AGAP1: variants seen among roughly 807,000 people sequenced by gnomAD.
AGAP1 encodes the protein ArfGAP with GTPase domain, ankyrin repeat and PH domain 1, also known as arf-GAP with GTPase, ANK repeat and PH domain-containing protein 1.
Under a neutral mutation model 105.3 loss-of-function variants are expected in AGAP1, and 29 were observed. The observed-to-expected ratio is 0.28, with a 90% confidence interval of 0.21 to 0.38. The LOEUF is 0.38. Among genes scored for constraint, AGAP1 ranks in the 10% least tolerant of loss-of-function variants. AGAP1 has a pLI of 1.00. For missense variants in AGAP1, 998 were observed against 1,165.1 expected (o/e 0.86, Z 2.09); for synonymous variants, 509 against 485.9 (o/e 1.05, Z -0.63).
intron 13 of AGAP1, among the ~76,000 whole-genome samples, chr2:235,991,155 C>T (rs533651641): frequency 2.4e-4 from 37 of 152,266 alleles, no homozygotes; most frequent in Admixed American, 2.1e-3. Context: ...TGAATTTTAC[C>T]TAGATTTTTG....
intron 1 of AGAP1, among the ~76,000 whole-genome samples, chr2:235,524,977 T>C (rs927798887): frequency 3.9e-5 from 6 of 152,272 alleles, no homozygotes; most frequent in African/African-American, 1.2e-4. Flanking sequence ...CTTTAAAATA[T>C]ATCATGTGTT....
chr2:235,678,694 G>A (rs1310035734), intron 1 of AGAP1, among the ~76,000 whole-genome samples: 2 of 152,066 alleles, frequency 1.3e-5, no homozygotes, highest in Non-Finnish European at 1.5e-5. Context: ...GAAGATATTT[G>A]TCTGGAGTTT....
In AGAP1 at chr2:235,708,154, A is replaced by G. The variant is rs146174532; in HGVS notation, c.164-1025A>G. On this transcript the variant is annotated intron_variant, in intron 1 of 17. Coordinates refer to ENST00000304032, the MANE Select transcript of AGAP1 (RefSeq NM_001037131.3). ...TTAACTTTTAGGCATCTTATGAATC[A>G]GGTCACTTCTTAGACATAATGTAGA... Among the ~76,000 whole-genome samples the G allele has an allele frequency of 8.6e-4, 131 of 152,344 alleles. 1 individual carries two copies. Among genetic ancestry groups the G allele is most frequent in the African/African-American group, 2.9e-3 (122 of 41,580 alleles).
At chr2:236,006,192 G>A (rs2125539974) in intron 13 of AGAP1, among the ~76,000 whole-genome samples, 1 of 152,194 alleles carries the variant, frequency 6.6e-6, no homozygotes, top group East Asian at 1.9e-4. Flanking sequence ...TCCTCTGGCT[G>A]CTCCCACACC....
At chr2:235,782,365 C>T (rs929991853) in intron 6 of AGAP1, among the ~76,000 whole-genome samples, 9 of 151,970 alleles carry the variant, frequency 5.9e-5, no homozygotes, top group African/African-American at 2.2e-4. Context: ...AAGGAAATAG[C>T]CAGTTTTCTA....
rs1016703895 is a variant in AGAP1, at chr2:236,113,044, C to T, written c.2115-7148C>T. On this transcript the variant is annotated intron_variant, in intron 16 of 17. Transcript: ENST00000304032. This position sits in a 1 kb window ranked among gnomAD's most constrained non-coding sequence, Gnocchi z 4.3. ...AACTTGCAATAAAATCTACCTGTCT[C>T]TTCTTTCCTGCAGCCTTTCTTTTTT... is the stretch of plus-strand genomic sequence containing the variant. 1.3e-5 allele frequency among the ~76,000 whole-genome samples: 2 copies of T among 152,254 alleles called. No individual in the cohort carries two copies. The highest frequency in any genetic ancestry group is 2.9e-5 in the Non-Finnish European group (2 of 68,048).
chr2:235,791,891 G>A (rs1422228095), intron 6 of AGAP1, among the ~76,000 whole-genome samples: 1 of 152,186 alleles, frequency 6.6e-6, no homozygotes, highest in Non-Finnish European at 1.5e-5. Flanking sequence ...TCACCTTTGG[G>A]TGGAGACACC....
rs1279202173 is a variant in AGAP1 at position 235,612,227 on chromosome 2, AAG to A, written c.164-96945_164-96944del. ...ACGCTGGGCGGGTTCGCAGTGCTGG[AAG>A]AGAGAGTGGACAGATTTTACACCAG... On this transcript the variant is annotated intron_variant, in intron 1 of 17. Transcript: ENST00000304032. This position sits in a 1 kb window ranked among gnomAD's most constrained non-coding sequence, Gnocchi z 4.3. Among the ~76,000 whole-genome samples the A allele has an allele frequency of 6.6e-6, 1 of 151,848 alleles. No homozygotes were observed. Among genetic ancestry groups the A allele is most frequent in the East Asian group, 1.9e-4 (1 of 5,166 alleles).
chr2:235,854,442 C>G (rs2048600961), intron 9 of AGAP1, among the ~76,000 whole-genome samples: 1 of 152,258 alleles, frequency 6.6e-6, no homozygotes, highest in Non-Finnish European at 1.5e-5. Flanking sequence ...TGGGCCACTC[C>G]TGCCAGCTCA....
intron 16 of AGAP1, among the ~76,000 whole-genome samples, chr2:236,115,141 A>G (rs1035753509): frequency 2.0e-5 from 3 of 152,198 alleles, no homozygotes; most frequent in Admixed American, 6.5e-5. Flanking sequence ...TGCCACCAGC[A>G]CTTCCCCCAC....
Position 235,574,751 on chromosome 2 carries a change from G to GA in AGAP1, c.163+79907dup, listed in dbSNP as rs1944678862. ...AAGTACACCAGGAGGGAATGAACGA[G>GA]AAAAATAAAAGAAAGAAAATCACAC... On this transcript the variant is annotated intron_variant, in intron 1 of 17. Transcript: ENST00000304032. The surrounding 1 kb of genome is among the most constrained non-coding windows in gnomAD (Gnocchi z 5.0). Among the ~76,000 whole-genome samples the GA allele has an allele frequency of 6.6e-6, 1 of 152,156 alleles. No homozygotes were observed. The highest frequency in any genetic ancestry group is 6.6e-5 in the Admixed American group (1 of 15,264).
At position 235,496,458 on chromosome 2, in the gene AGAP1, C is replaced by T. The variant is rs541983408; in HGVS notation, c.163+1609C>T. On this transcript the variant is annotated intron_variant, in intron 1 of 17. Transcript: ENST00000304032. Reference sequence around the variant, plus strand: ...GTTGCAGCAAGGTTCCTCCAGAGCTCCAGCTCTGCGTCTGTTACGGGAGCT... The same window carrying T: ...GTTGCAGCAAGGTTCCTCCAGAGCTTCAGCTCTGCGTCTGTTACGGGAGCT... 2.1e-4 allele frequency among the ~76,000 whole-genome samples: 32 copies of T among 152,304 alleles called. No individual in the cohort carries two copies. The South Asian group carries it at 2.5e-3, about 12-fold the overall frequency.
At chr2:235,794,498 G>A (rs1219131631) in intron 6 of AGAP1, among the ~76,000 whole-genome samples, 2 of 152,118 alleles carry the variant, frequency 1.3e-5, no homozygotes, top group Non-Finnish European at 2.9e-5. Flanking sequence ...TTTTGCGATA[G>A]TCTGACTCTG....
rs998938452 is a variant in AGAP1, at chr2:235,620,442, C to A, written c.164-88737C>A. Among the ~76,000 whole-genome samples the A allele has an allele frequency of 6.6e-6, 1 of 152,200 alleles. No homozygotes were observed. Among genetic ancestry groups the A allele is most frequent in the African/African-American group, 2.4e-5 (1 of 41,458 alleles). ...TCTGCCACTCTCCCCTTGCTCATGG[C>A]TCTGCTGATCCTTCAACCAAATGCA... On this transcript the variant is annotated intron_variant, in intron 1 of 17. Transcript: ENST00000304032. The surrounding 1 kb of genome is among the most constrained non-coding windows in gnomAD (Gnocchi z 4.5).
At chr2:235,542,222 G>GC (rs71064855) in intron 1 of AGAP1, among the ~76,000 whole-genome samples, 22 of 151,508 alleles carry the variant, frequency 1.5e-4, no homozygotes, top group East Asian at 3.9e-4. Flanking sequence ...GGTCCCGGGG[G>GC]GGGGCCAGTT....
chr2:235,908,619 T>C lies in AGAP1; in HGVS notation c.1156-119T>C. On this transcript the variant is annotated intron_variant, in intron 10 of 17. Transcript: ENST00000304032. This position sits in a 1 kb window ranked among gnomAD's most constrained non-coding sequence, Gnocchi z 4.4. ...AAATCTCATGATTTTTAAAGTACTT[T>C]CCACAGTGGAAGGGTCATAGGGTTT... The C allele has an allele frequency of 1.2e-6, 1 of 840,620 alleles. No individual in the cohort carries two copies. Among genetic ancestry groups the C allele is most frequent in the Non-Finnish European group, 1.8e-6 (1 of 554,316 alleles). 52.1% of individuals were successfully genotyped at this position (840,620 alleles called of 1,614,324 possible). A position where few individuals can be genotyped will look rare whatever the true frequency, so the allele number is the denominator to read the frequency against.
At chr2:235,514,346 C>T (rs1043036889) in intron 1 of AGAP1, among the ~76,000 whole-genome samples, 14 of 152,260 alleles carry the variant, frequency 9.2e-5, no homozygotes, top group African/African-American at 3.4e-4. Context: ...TTGGCCTCAC[C>T]CTTAAGCCTT....
chr2:235,902,344 A>T (rs912328923), intron 10 of AGAP1, among the ~76,000 whole-genome samples: 1 of 151,918 alleles, frequency 6.6e-6, no homozygotes, highest in Non-Finnish European at 1.5e-5. Context: ...TGAAATCACT[A>T]TTTTTTTTCC....
At chr2:235,810,998 GAGTT>G (rs1287485900) in intron 9 of AGAP1, among the ~76,000 whole-genome samples, 1 of 152,062 alleles carries the variant, frequency 6.6e-6, no homozygotes, top group African/African-American at 2.4e-5. Flanking sequence ...ATTGCAGTGG[GAGTT>G]AGGGAGCTCC....
Sources: gnomAD v4.1 joint callset for allele counts (sites outside exome capture counted in the v4.1 genomes callset) on GRCh38, gnomAD v4.1.1 for gene constraint, Gnocchi (gnomAD v3.1) non-coding constraint, MANE v1.5 for transcripts, NCBI Gene and HGNC (gene_info 2026-07-23, HGNC 2026-07-21) for gene names.